Variants in SPAG6 observed in about 807,000 individuals in gnomAD.
SPAG6 encodes the protein sperm associated antigen 6, also known as sperm-associated antigen 6.
Under a neutral mutation model 58.5 loss-of-function variants are expected in SPAG6, and 49 were observed. That is an observed-to-expected ratio of 0.84 (90% CI 0.67 to 1.06). The LOEUF is 1.06. Among genes scored for constraint, SPAG6 ranks in the 50% least tolerant of loss-of-function variants. The pLI, the probability that SPAG6 is intolerant of heterozygous loss-of-function variation, is 0.00. For synonymous variants in SPAG6, 233 were observed against 225.6 expected, an observed-to-expected ratio of 1.03 and a Z score of -0.29; for missense variants, 560 against 611.3, an observed-to-expected ratio of 0.92 and a Z score of 0.89.
Position 22,345,994 on chromosome 10 carries a change from A to G in SPAG6, c.121+176A>G. 6.5e-7 allele frequency: 1 copy of G among 1,548,444 alleles called. No homozygotes were observed. Among genetic ancestry groups the G allele is most frequent in the South Asian group, 1.2e-5 (1 of 83,212 alleles). ...GTCAGGCCGAGAGGGTGAAGCTTCC[A>G]GATGGTTGTGGGAGGTGCGCGTTGT... is the stretch of plus-strand genomic sequence containing the variant. On this transcript the variant is annotated intron_variant, in intron 2 of 10. Coordinates refer to ENST00000376624, the MANE Select transcript of SPAG6 (RefSeq NM_012443.4). The surrounding 1 kb of genome is among the most constrained non-coding windows in gnomAD (Gnocchi z 6.3).
intron 2 of SPAG6, among the ~76,000 whole-genome samples, chr10:22,346,431 T>TTCTTCTTCC (rs1836533594): frequency 7.2e-5 from 1 of 13,898 alleles, no homozygotes; most frequent in South Asian, 3.1e-3. Flanking sequence ...GAGAAAATGG[T>TTCTTCTTCC]TCTTCTTCTT....
intron 2 of SPAG6, among the ~76,000 whole-genome samples, chr10:22,358,162 T>G (rs1435667869): frequency 6.6e-6 from 1 of 152,210 alleles, no homozygotes; most frequent in Non-Finnish European, 1.5e-5. Context: ...ATCGCCACAC[T>G]GACTTCAACA....
chr10:22,353,986 G>A (rs1372211805), intron 2 of SPAG6, among the ~76,000 whole-genome samples: 1 of 152,190 alleles, frequency 6.6e-6, no homozygotes. Flanking sequence ...CTGGAGCTCA[G>A]GGTAATAGGG....
intron 2 of SPAG6, among the ~76,000 whole-genome samples, chr10:22,362,114 T>A (rs933053063): frequency 1.4e-5 from 2 of 145,996 alleles, no homozygotes; most frequent in Non-Finnish European, 3.0e-5. Flanking sequence ...TAAATATATA[T>A]AAATATATGT....
At chr10:22,408,861 G>T (rs1834637321) in intron 9 of SPAG6, among the ~76,000 whole-genome samples, 1 of 152,218 alleles carries the variant, frequency 6.6e-6, no homozygotes, top group Non-Finnish European at 1.5e-5. Flanking sequence ...TAAGCCGATT[G>T]GAAAAGCACA....
chr10:22,415,612 G>C (rs1435774006), intron 10 of SPAG6, among the ~76,000 whole-genome samples: 1 of 152,100 alleles, frequency 6.6e-6, no homozygotes, highest in Non-Finnish European at 1.5e-5. Context: ...AAGAAAATAT[G>C]GCTGTATTTT....
At chr10:22,399,782 A>G (rs545375359) in intron 8 of SPAG6, among the ~76,000 whole-genome samples, 13 of 152,184 alleles carry the variant, frequency 8.5e-5, no homozygotes, top group Non-Finnish European at 1.8e-4. Flanking sequence ...TTTCTACTAC[A>G]CTGTTCAAGA....
intron 4 of SPAG6, among the ~76,000 whole-genome samples, chr10:22,376,405 C>T (rs1833814691): frequency 6.6e-6 from 1 of 152,074 alleles, no homozygotes; most frequent in African/African-American, 2.4e-5. Context: ...TTTCTTTTTA[C>T]TTTTAAAGTG....
In SPAG6 at chr10:22,382,392, G is replaced by A. The variant is rs536823876; in HGVS notation, c.473-4362G>A. 2.6e-5 allele frequency among the ~76,000 whole-genome samples: 4 copies of A among 152,102 alleles called. No individual in the cohort carries two copies. The South Asian group carries it at 6.2e-4, about 24-fold the overall frequency. On this transcript the variant is annotated intron_variant, in intron 4 of 10. Coordinates refer to ENST00000376624, the MANE Select transcript of SPAG6 (RefSeq NM_012443.4). ...ATTCATGAATAAGGAAGGTGCTATT[G>A]GATAGTTTCCTCTGACAGTTTGCAG...
chr10:22,400,666 C>T (rs971659760), intron 8 of SPAG6, among the ~76,000 whole-genome samples: 7 of 152,054 alleles, frequency 4.6e-5, no homozygotes, highest in Admixed American at 3.9e-4. Context: ...TCTGCAAATG[C>T]TCATTGAATA....
intron 2 of SPAG6, among the ~76,000 whole-genome samples, chr10:22,354,610 C>A (rs954912254): frequency 6.6e-6 from 1 of 152,184 alleles, no homozygotes. Context: ...AAGTTCCAAT[C>A]ATTTTATCTG....
intron 9 of SPAG6, 60 bp from the exon 10 acceptor site, chr10:22,410,971 A>T (rs1352745576): frequency 1.8e-5 from 27 of 1,536,742 alleles, no homozygotes; most frequent in Non-Finnish European, 2.3e-5. Context: ...ATTGCTTTTC[A>T]ATAGTAATAA....
At chr10:22,359,485 C>G (rs1251785868) in intron 2 of SPAG6, 1 of 155,132 alleles carries the variant, frequency 6.4e-6, no homozygotes. Flanking sequence ...CCTCCACCTC[C>G]CCGGATCAAG....
intron 2 of SPAG6, chr10:22,360,949 A>G (rs911283986): frequency 2.6e-6 from 2 of 761,600 alleles, no homozygotes; most frequent in Middle Eastern, 2.2e-4. Flanking sequence ...TTGCATATTT[A>G]TCTGTAGTTT....
At chr10:22,414,522 G>C (rs530101556) in intron 10 of SPAG6, among the ~76,000 whole-genome samples, 4 of 152,104 alleles carry the variant, frequency 2.6e-5, no homozygotes, top group African/African-American at 9.7e-5. Context: ...ATCTGTACAA[G>C]GTGGTTAAAG....
At position 22,386,781 on chromosome 10, in the gene SPAG6, G is replaced by A. The variant is rs777757521; in HGVS notation, c.500G>A (p.Gly167Glu). The A allele has an allele frequency of 6.2e-7, 1 of 1,613,522 alleles. No homozygotes were observed. The highest frequency in any genetic ancestry group is 8.5e-7 in the Non-Finnish European group (1 of 1,179,560). Reference sequence around the variant, plus strand: ...CTGTCACAAGCTGTGGTGGATGCAGGAGCTGTTCCTCTTTTAGTACTCTGT... The same window carrying A: ...CTGTCACAAGCTGTGGTGGATGCAGAAGCTGTTCCTCTTTTAGTACTCTGT... The part of the protein sequence containing the change: ...AELSQAVVDA[G>E]AVPLLVLCIQ... The change falls in exon 5 of 11, where the codon GGA becomes GAA. Residue 167 changes from glycine to glutamate, a missense_variant. By Grantham distance (98) the Gly-to-Glu change is moderately conservative (BLOSUM62 -2). Coordinates refer to ENST00000376624, the MANE Select transcript of SPAG6 (RefSeq NM_012443.4).
At chr10:22,388,887 G>A (rs1834124494) in intron 6 of SPAG6, among the ~76,000 whole-genome samples, 1 of 152,130 alleles carries the variant, frequency 6.6e-6, no homozygotes, top group East Asian at 1.9e-4. Flanking sequence ...GAGTCTACAT[G>A]AGGAATTTTG....
intron 9 of SPAG6, among the ~76,000 whole-genome samples, chr10:22,407,461 T>C (rs1488482880): frequency 2.0e-5 from 3 of 152,156 alleles, no homozygotes; most frequent in Admixed American, 1.3e-4. Flanking sequence ...TGTTGAATAT[T>C]GGCCCCCACT....
intron 3 of SPAG6, among the ~76,000 whole-genome samples, chr10:22,366,198 T>C (rs1837196544): frequency 6.6e-6 from 1 of 152,166 alleles, no homozygotes; most frequent in East Asian, 1.9e-4. Context: ...AAACAAAATG[T>C]TGTGTATCCA....
Sources: allele counts gnomAD v4.1 joint callset (sites outside exome capture counted in the v4.1 genomes callset), GRCh38; gene constraint gnomAD v4.1.1; non-coding constraint Gnocchi (gnomAD v3.1); transcripts MANE v1.5; gene names NCBI Gene and HGNC (gene_info 2026-07-23, HGNC 2026-07-21).